KIAA1671: variants seen among roughly 807,000 people sequenced by gnomAD.
KIAA1671 encodes KIAA1671.
Under a neutral mutation model 131.2 loss-of-function variants are expected in KIAA1671, and 52 were observed. The observed-to-expected ratio is 0.40, with a 90% CI of 0.32 to 0.50. The LOEUF is 0.50. Ranked by LOEUF, KIAA1671 falls within the 20% of genes least tolerant of loss-of-function variation. The pLI is 0.73. For missense variants in KIAA1671, 2,360 were observed against 2,364.2 expected (o/e 1.00, Z 0.04); for synonymous variants, 1,003 against 961.6 (o/e 1.04, Z -0.80).
intron 1 of KIAA1671, among the ~76,000 whole-genome samples, chr22:24,975,152 G>A (rs191991811): frequency 2.9e-4 from 44 of 152,178 alleles, no homozygotes; most frequent in African/African-American, 6.3e-4. Context: ...TTTCCTCCTC[G>A]GCCTTACACA....
intron 6 of KIAA1671, chr22:25,064,821 C>T (rs764433976): frequency 6.6e-6 from 1 of 152,236 alleles, no homozygotes; most frequent in Non-Finnish European, 1.5e-5. Context: ...AATTCTCTGC[C>T]TTTTGGGGAA....
intron 6 of KIAA1671, among the ~76,000 whole-genome samples, chr22:25,138,795 C>T (rs1243129153): frequency 1.3e-5 from 2 of 152,208 alleles, no homozygotes; most frequent in African/African-American, 4.8e-5. Context: ...CATATCTCTT[C>T]AACCCACCAA....
intron 6 of KIAA1671, among the ~76,000 whole-genome samples, chr22:25,090,297 C>A (rs1929962919): frequency 6.6e-6 from 1 of 152,238 alleles, no homozygotes; most frequent in Non-Finnish European, 1.5e-5. Flanking sequence ...CTGCACGTGG[C>A]CGGTGTGGTG....
intron 1 of KIAA1671, among the ~76,000 whole-genome samples, chr22:25,000,361 T>C (rs61144869): frequency 0.023 from 2,231 of 95,306 alleles, 435 homozygotes; most frequent in African/African-American, 0.082. Context: ...GCCCGGCTAA[T>C]TTTTTGTATT....
intron 4 of KIAA1671, among the ~76,000 whole-genome samples, chr22:25,036,594 G>A (rs2145800134): frequency 6.6e-6 from 1 of 152,188 alleles, no homozygotes; most frequent in East Asian, 1.9e-4. Flanking sequence ...TCCAAGAAAA[G>A]GGACTGGTAT....
At chr22:25,016,094 C>T (rs1925301052) in intron 1 of KIAA1671, among the ~76,000 whole-genome samples, 1 of 148,618 alleles carries the variant, frequency 6.7e-6, no homozygotes, top group African/African-American at 2.5e-5. Context: ...GATCTCGGCT[C>T]ACTGCAACCA....
At chr22:25,093,786 C>G (rs56952997) in intron 6 of KIAA1671, among the ~76,000 whole-genome samples, 969 of 75,248 alleles carry the variant, frequency 0.013, 25 homozygotes, top group East Asian at 0.047. Context: ...CTCTCTCTCT[C>G]TCTCTCTCTC....
intron 1 of KIAA1671, among the ~76,000 whole-genome samples, chr22:24,964,330 A>C (rs1349291661): frequency 1.3e-5 from 2 of 151,928 alleles, no homozygotes; most frequent in Non-Finnish European, 2.9e-5. Flanking sequence ...CTCTGTCTCA[A>C]CAAAAAAACA....
chr22:25,164,121 T>C (rs1005334048), intron 6 of KIAA1671, among the ~76,000 whole-genome samples: 7 of 152,210 alleles, frequency 4.6e-5, no homozygotes, highest in Non-Finnish European at 1.0e-4. Context: ...GCAAGTGGTT[T>C]TTAAACCTGC....
At chr22:24,999,507 C>T (rs1418662518) in intron 1 of KIAA1671, among the ~76,000 whole-genome samples, 1 of 150,664 alleles carries the variant, frequency 6.6e-6, no homozygotes, top group African/African-American at 2.4e-5. Context: ...GGATTATAGG[C>T]GTGAGCCATT....
intron 1 of KIAA1671, among the ~76,000 whole-genome samples, chr22:24,993,262 G>T (rs1644267016): frequency 6.6e-6 from 1 of 152,124 alleles, no homozygotes; most frequent in East Asian, 1.9e-4. Flanking sequence ...GGGAGGCAGG[G>T]TGAGGAAGGT....
chr22:25,044,919 G>T (rs1401327160), intron 5 of KIAA1671, among the ~76,000 whole-genome samples: 2 of 152,288 alleles, frequency 1.3e-5, no homozygotes, highest in African/African-American at 4.8e-5. Context: ...CCAGCACTTT[G>T]GGAGGCCGAG....
At chr22:25,114,221 A>T (rs1931540962) in intron 6 of KIAA1671, among the ~76,000 whole-genome samples, 2 of 152,132 alleles carry the variant, frequency 1.3e-5, no homozygotes, top group South Asian at 4.1e-4. Flanking sequence ...GGTGGTAGGC[A>T]CCAGCTGGCC....
Position 24,991,405 on chromosome 22 carries a change from C to A in KIAA1671, c.-207-34228C>A, listed in dbSNP as rs894738223. On this transcript the variant is annotated intron_variant, in intron 1 of 12. Transcript: ENST00000358431. The stretch of plus-strand genomic sequence containing the variant: ...ATCAGCTTTGTGGCTCTGGAATTGA[C>A]AAGATGAGTCACCTTGGACAGACAG... Among the ~76,000 whole-genome samples, 4 of 152,192 alleles carry A rather than the reference C, an allele frequency of 2.6e-5. No individual in the cohort carries two copies. The East Asian group carries it at 5.8e-4, about 22-fold the overall frequency.
intron 6 of KIAA1671, among the ~76,000 whole-genome samples, chr22:25,139,548 G>A (rs754774862): frequency 1.3e-5 from 2 of 152,256 alleles, no homozygotes; most frequent in Non-Finnish European, 2.9e-5. Context: ...CTCCTCAGCA[G>A]ATGCTTGTTG....
At chr22:24,978,907 ACTCCT>A (rs1365237193) in intron 1 of KIAA1671, among the ~76,000 whole-genome samples, 1 of 151,126 alleles carries the variant, frequency 6.6e-6, no homozygotes, top group African/African-American at 2.4e-5. Flanking sequence ...CTGGTCTCAA[ACTCCT>A]GACCTCAGGT....
At chr22:24,959,647 A>G (rs550985673) in intron 1 of KIAA1671, among the ~76,000 whole-genome samples, 3 of 152,198 alleles carry the variant, frequency 2.0e-5, no homozygotes, top group Non-Finnish European at 4.4e-5. Context: ...AAGGCACTCT[A>G]TTTGTGAAAA....
intron 6 of KIAA1671, among the ~76,000 whole-genome samples, chr22:25,093,824 T>TCTATCTCTCTCTCTCTC: frequency 4.6e-5 from 1 of 21,952 alleles, no homozygotes; most frequent in Admixed American, 4.4e-4. Flanking sequence ...CTCTCTCTCT[T>TCTATCTCTCTCTCTCTC]TCTCTCTCTG....
intron 1 of KIAA1671, among the ~76,000 whole-genome samples, chr22:24,985,391 G>A (rs1262551323): frequency 2.6e-5 from 4 of 151,344 alleles, no homozygotes; most frequent in Non-Finnish European, 5.9e-5. Context: ...CCAGGCTGGA[G>A]TGCAGTGGTG....
Sources: gnomAD v4.1 joint callset for allele counts (sites outside exome capture counted in the v4.1 genomes callset) on GRCh38, gnomAD v4.1.1 for gene constraint, MANE v1.5 for transcripts, NCBI Gene and HGNC (gene_info 2026-07-23, HGNC 2026-07-21) for gene names.